NGLY1: variants seen among roughly 807,000 people sequenced by gnomAD.
NGLY1 encodes the protein N-glycanase 1, also known as peptide-N(4)-(N-acetyl-beta-glucosaminyl)asparagine amidase.
A neutral mutation model predicts 84.6 loss-of-function variants in NGLY1; 68 were observed. The observed-to-expected ratio is 0.80, with a 90% CI of 0.66 to 0.98. The LOEUF (loss-of-function observed/expected upper bound fraction) is 0.98. NGLY1 is among the 50% of genes least tolerant of loss of function. The pLI, the probability that NGLY1 is intolerant of heterozygous loss-of-function variation, is 0.00. For synonymous variants in NGLY1, 280 were observed against 275.2 expected, an observed-to-expected ratio of 1.02 and a Z score of -0.17; for missense variants, 779 against 770.2, an observed-to-expected ratio of 1.01 and a Z score of -0.14.
upstream of NGLY1, among the ~76,000 whole-genome samples, chr3:25,784,873 C>A (rs1301194258): frequency 6.6e-6 from 1 of 152,162 alleles, no homozygotes; most frequent in Non-Finnish European, 1.5e-5. Flanking sequence ...AGAGTAATTT[C>A]TTTCTGGCTC....
intron 8 of NGLY1, among the ~76,000 whole-genome samples, chr3:25,733,279 C>CTT (rs1705633688): frequency 6.6e-6 from 1 of 152,070 alleles, no homozygotes; most frequent in African/African-American, 2.4e-5. Context: ...CCTGCTACAG[C>CTT]AAAATTCACT....
intron 3 of NGLY1, among the ~76,000 whole-genome samples, chr3:25,753,424 AAT>A (rs1553657690): frequency 2.0e-5 from 3 of 152,272 alleles, no homozygotes; most frequent in South Asian, 2.1e-4. Context: ...AGCCAAAAAA[AAT>A]ATAGCTTACA....
intron 4 of NGLY1, chr3:25,749,917 G>A: frequency 1.5e-6 from 1 of 650,434 alleles, no homozygotes; most frequent in Non-Finnish European, 2.6e-6. Flanking sequence ...TGCATGTTTT[G>A]TGTTTAAATA....
intron 2 of NGLY1, among the ~76,000 whole-genome samples, chr3:25,773,450 G>T (rs1299391506): frequency 6.6e-6 from 1 of 151,946 alleles, no homozygotes; most frequent in African/African-American, 2.4e-5. Context: ...ATTTCCCTAG[G>T]TGTGTTCTTC....
intron 10 of NGLY1, 152 bp from the exon 11 acceptor site, chr3:25,720,343 C>T (rs1391414876): frequency 6.8e-6 from 4 of 586,812 alleles, no homozygotes; most frequent in Admixed American, 7.5e-5. Context: ...GTTCTTACTG[C>T]TAACATTTTT....
intron 1 of NGLY1, among the ~76,000 whole-genome samples, chr3:25,789,394 T>G (rs1011907200): frequency 1.3e-5 from 2 of 152,174 alleles, no homozygotes; most frequent in South Asian, 4.1e-4. Flanking sequence ...GTAAAAACTT[T>G]ATTACAAAAA....
At chr3:25,732,276 G>A (rs1306580280) in intron 9 of NGLY1, 43 bp downstream of exon 9, 3 of 1,587,344 alleles carry the variant, frequency 1.9e-6, no homozygotes, top group Admixed American at 1.7e-5. Context: ...AGTATATGAA[G>A]CAGGAAAGTA....
chr3:25,719,892 T>TC (rs1704893625), intron 11 of NGLY1, 122 bp downstream of exon 11: 1 of 904,774 alleles, frequency 1.1e-6, no homozygotes, highest in African/African-American at 1.7e-5. Context: ...ATTTTTTTTT[T>TC]TTTACTGAAA....
intron 10 of NGLY1, among the ~76,000 whole-genome samples, chr3:25,721,748 C>CAAAAAAAAA (rs59028606): frequency 2.0e-5 from 1 of 50,704 alleles, no homozygotes; most frequent in Non-Finnish European, 3.3e-5. Flanking sequence ...GACTCCATCT[C>CAAAAAAAAA]AAAAAAAAAA....
chr3:25,766,724 T>G (rs1707596844), intron 2 of NGLY1, among the ~76,000 whole-genome samples: 1 of 152,108 alleles, frequency 6.6e-6, no homozygotes, highest in Non-Finnish European at 1.5e-5. Flanking sequence ...GGAACAGCAC[T>G]GAGAAAGGCA....
At chr3:25,751,321 T>A in intron 3 of NGLY1, 58 bp from the exon 4 acceptor site, 1 of 1,337,158 alleles carries the variant, frequency 7.5e-7, no homozygotes, top group Non-Finnish European at 9.8e-7. Flanking sequence ...AAAAATAATA[T>A]ATAATAAAAA....
intron 4 of NGLY1, among the ~76,000 whole-genome samples, chr3:25,741,130 TAAAA>T (rs376282084): frequency 9.5e-6 from 1 of 105,642 alleles, no homozygotes; most frequent in Admixed American, 1.0e-4. Flanking sequence ...TCTGTCTCAT[TAAAA>T]AAAAAAAAAA....
intron 4 of NGLY1, among the ~76,000 whole-genome samples, chr3:25,748,986 C>A (rs1461303923): frequency 6.6e-6 from 1 of 151,924 alleles, no homozygotes; most frequent in African/African-American, 2.4e-5. Context: ...CCAATAAGCA[C>A]ATGAAAAAAA....
chr3:25,761,811 T>C (rs377583021), intron 3 of NGLY1, among the ~76,000 whole-genome samples: 9 of 152,196 alleles, frequency 5.9e-5, no homozygotes, highest in Admixed American at 3.9e-4. Context: ...AACCCAAATG[T>C]CCATCAACTG....
At position 25,783,191 on chromosome 3, in the gene NGLY1, TC is replaced by T. The variant is rs1708500545; in HGVS notation, c.131+68del. On this transcript the variant is annotated intron_variant, in intron 1 of 11. Coordinates refer to ENST00000280700, the MANE Select transcript of NGLY1 (RefSeq NM_018297.4). The surrounding 1 kb of genome is among the most constrained non-coding windows in gnomAD (Gnocchi z 4.5). ...CTGAAGCTCAGGCCGGACGCCCCAG[TC>T]CCTGGCCGAACAAGGTGCCGCGGCC... 6.9e-7 allele frequency: 1 copy of T among 1,448,200 alleles called. No individual in the cohort carries two copies. Among genetic ancestry groups the T allele is most frequent in the African/African-American group, 1.4e-5 (1 of 70,354 alleles). 89.7% of individuals were successfully genotyped at this position (1,448,200 alleles called of 1,614,324 possible).
chr3:25,735,883 C>T (rs995115487), intron 7 of NGLY1, 121 bp downstream of exon 7: 11 of 885,524 alleles, frequency 1.2e-5, no homozygotes, highest in Non-Finnish European at 1.8e-5. Flanking sequence ...TAAAACTTAT[C>T]AAACTGTACA....
intron 2 of NGLY1, 26 bp from the exon 3 acceptor site, chr3:25,764,337 T>C (rs572231319): frequency 3.2e-5 from 52 of 1,600,476 alleles, no homozygotes; most frequent in Admixed American, 1.7e-4. Context: ...TTAAAAAAAA[T>C]GTGAACCTTT....
intron 3 of NGLY1, among the ~76,000 whole-genome samples, chr3:25,753,716 A>G (rs905898950): frequency 2.0e-5 from 3 of 152,192 alleles, no homozygotes; most frequent in Non-Finnish European, 4.4e-5. Flanking sequence ...TAAACCTATT[A>G]TAGAAAAAAA....
At chr3:25,784,143 C>T (rs1357670442), upstream of NGLY1, 3 of 152,322 alleles carry the variant, frequency 2.0e-5, no homozygotes, top group East Asian at 1.9e-4. Flanking sequence ...AAAACCATGG[C>T]TATAAACTCT....
Sources: allele counts gnomAD v4.1 joint callset (sites outside exome capture counted in the v4.1 genomes callset), GRCh38; gene constraint gnomAD v4.1.1; non-coding constraint Gnocchi (gnomAD v3.1); transcripts MANE v1.5; gene names NCBI Gene and HGNC (gene_info 2026-07-23, HGNC 2026-07-21).